The following NGDN variants were observed in gnomAD, a reference collection of about 807,000 sequenced individuals.
NGDN encodes EIF4E-binding protein.
In NGDN, 41 loss-of-function variants were observed where a neutral mutation model predicts 45.2. That is an observed-to-expected ratio of 0.91 (90% CI 0.71 to 1.18). The LOEUF (loss-of-function observed/expected upper bound fraction) is 1.18, where lower values mean the gene tolerates loss of function less well. Ranked by LOEUF, NGDN falls within the 50% of genes most tolerant of loss-of-function variation. NGDN has a pLI of 0.00. For synonymous variants in NGDN, 137 were observed against 130.9 expected (o/e 1.05, Z -0.32); for missense variants, 402 against 399.9 (o/e 1.01, Z -0.05).
intron 8 of NGDN, 31 bp from the exon 9 acceptor site, chr14:23,477,169 G>A (rs182208519): frequency 2.9e-4 from 468 of 1,611,730 alleles, no homozygotes; most frequent in Admixed American, 9.5e-4. Flanking sequence ...TCCATGGTCT[G>A]AGCCTGCTGG....
rs1893763245 is a variant in NGDN at position 23,470,948 on chromosome 14, G to T, written c.115G>T (p.Val39Phe). The T allele has an allele frequency of 6.4e-7, 1 of 1,552,424 alleles. No individual in the cohort carries two copies. The highest frequency in any genetic ancestry group is 8.7e-7 in the Non-Finnish European group (1 of 1,155,196). The change falls in exon 3 of 11, where the codon GTT becomes TTT. Residue 39 changes from valine to phenylalanine, a missense_variant. Physicochemically the swap from Val to Phe is conservative, Grantham distance 50. Transcript: ENST00000408901. Reference protein sequence around the residue: ...TAQVKSLTQKVQAGAYPTEKG... With the variant: ...TAQVKSLTQKFQAGAYPTEKG... ...ACAAGTGAAATCACTGACACAAAAAGTTCAAGCTGGTGCCTATCCTACAGA... is the reference window on the plus strand; with the variant it reads ...ACAAGTGAAATCACTGACACAAAAATTTCAAGCTGGTGCCTATCCTACAGA...
Position 23,476,054 on chromosome 14 carries a change from A to C in NGDN, c.446A>C (p.Asp149Ala). The C allele has an allele frequency of 6.2e-7, 1 of 1,614,190 alleles. No homozygotes were observed. Among genetic ancestry groups the C allele is most frequent in the Non-Finnish European group, 8.5e-7 (1 of 1,180,008 alleles). The change falls in exon 7 of 11, where the codon GAT becomes GCT. Residue 149 changes from aspartate to alanine, a missense_variant. Asp to Ala is a moderately radical substitution (Grantham distance 126, BLOSUM62 -2). Coordinates refer to ENST00000408901, the MANE Select transcript of NGDN (RefSeq NM_001042635.2). ...TTGAGCTCTGAGGATGAGGAGGAAG[A>C]TGAAGCAGAAGATGACCAGTCTGAG... is the stretch of plus-strand genomic sequence containing the variant. ...SKLSSEDEEE[D>A]EAEDDQSEAS...
chr14:23,478,737 C>T (rs1023636723), downstream of NGDN: 3 of 141,742 alleles, frequency 2.1e-5, no homozygotes, highest in Non-Finnish European at 3.1e-5. Context: ...GACCCCCACC[C>T]CCCCGCCTTC....
At position 23,476,284 on chromosome 14, in the gene NGDN, A is replaced by C; in HGVS notation, c.590A>C (p.Lys197Thr). 1 of 1,614,198 alleles carries C rather than the reference A, an allele frequency of 6.2e-7. No individual in the cohort carries two copies. Among genetic ancestry groups the C allele is most frequent in the Non-Finnish European group, 8.5e-7 (1 of 1,180,036 alleles). Residue 197 changes from lysine to threonine, a missense_variant, in exon 8 of 11, where the codon AAG becomes ACG. By Grantham distance (78) the Lys-to-Thr change is moderately conservative (BLOSUM62 -1). Transcript: ENST00000408901. ...EREKKRLERA[K>T]RRALSSSVIR... is the part of the protein sequence containing the mutation. ...GAGAAGAAGCGTCTAGAACGAGCCAAGAGACGGGCATTGAGCAGCTCTGTC... is the reference window on the plus strand; with the variant it reads ...GAGAAGAAGCGTCTAGAACGAGCCACGAGACGGGCATTGAGCAGCTCTGTC...
At position 23,476,259 on chromosome 14, in the gene NGDN, G is replaced by T. The variant is rs1390102966; in HGVS notation, c.565G>T (p.Glu189Ter). 10 of 1,614,012 alleles carry T rather than the reference G, an allele frequency of 6.2e-6. No individual in the cohort carries two copies. The highest frequency in any genetic ancestry group is 7.6e-6 in the Non-Finnish European group (9 of 1,180,020). ...VHYDETEAER[E>*]KKRLERAKRR... ...TGTAGATGAAACAGAAGCTGAGCGGGAGAAGAAGCGTCTAGAACGAGCCAA... is the reference window on the plus strand; with the variant it reads ...TGTAGATGAAACAGAAGCTGAGCGGTAGAAGAAGCGTCTAGAACGAGCCAA... The change falls in exon 8 of 11, where the codon GAG (glutamate) becomes TAG (stop). Residue 189 changes from glutamate to a stop codon, truncating the protein, a stop_gained. Transcript: ENST00000408901. LOFTEE classifies it high-confidence loss of function.
chr14:23,476,528 C>G, intron 8 of NGDN, 121 bp downstream of exon 8: 2 of 967,810 alleles, frequency 2.1e-6, no homozygotes, highest in Non-Finnish European at 2.9e-6. Flanking sequence ...GGAGTGAAAA[C>G]TTTGGGATGA....
downstream of NGDN, chr14:23,478,298 G>T (rs2138728295): frequency 2.6e-6 from 1 of 391,070 alleles, no homozygotes. Flanking sequence ...TGTTTTCTTT[G>T]ATAATATATT....
rs769235811 is a variant in NGDN at position 23,470,026 on chromosome 14, C to G, written c.13-16C>G. 58 of 1,613,414 alleles carry G rather than the reference C, an allele frequency of 3.6e-5. No individual in the cohort carries two copies. Among genetic ancestry groups the G allele is most frequent in the Non-Finnish European group, 4.2e-5 (49 of 1,179,574 alleles). ...GAAAGAATGACTTTTCTTTACGCCT[C>G]CTCTCCCTTCTGTAGGGGGTGCTGG... On this transcript the variant is annotated splice_polypyrimidine_tract_variant and intron_variant, in intron 1 of 10. Coordinates refer to ENST00000408901, the MANE Select transcript of NGDN (RefSeq NM_001042635.2).
chr14:23,477,876 T>C (rs1893940793), intron 10 of NGDN, 131 bp from the exon 11 acceptor site: 2 of 1,567,566 alleles, frequency 1.3e-6, no homozygotes, highest in South Asian at 2.4e-5. Context: ...TCTTTTGTCC[T>C]GGGAAGATAT....
chr14:23,470,977 G>A lies in NGDN; in HGVS notation c.144G>A (p.Lys48=). Residue 48 remains lysine (K), a splice_region_variant and synonymous_variant, in exon 3 of 11, where the codon AAG becomes AAA. Transcript: ENST00000408901. ...AAGCTGGTGCCTATCCTACAGAAAA[G>A]GTAAGATGTACTCAAACAGTAAGCA... ...KVQAGAYPTE[K]GLSFLEVKDQ... 6.5e-7 allele frequency: 1 copy of A among 1,531,632 alleles called. No homozygotes were observed. The allele number at this position is 1,531,632 out of a possible 1,614,324, so 94.9% of individuals were successfully genotyped here.
intron 8 of NGDN, 118 bp downstream of exon 8, chr14:23,476,525 A>G: frequency 1.0e-6 from 1 of 981,618 alleles, no homozygotes; most frequent in Non-Finnish European, 1.4e-6. Flanking sequence ...AATGGAGTGA[A>G]AACTTTGGGA....
chr14:23,470,236 T>G, intron 2 of NGDN, 135 bp downstream of exon 2: 1 of 687,568 alleles, frequency 1.5e-6, no homozygotes, highest in East Asian at 2.8e-5. Flanking sequence ...ATCAAAACCT[T>G]TTCACGCCAG....
intron 2 of NGDN, chr14:23,470,367 T>C (rs1893746010): frequency 2.2e-6 from 1 of 452,590 alleles, no homozygotes; most frequent in African/African-American, 2.0e-5. Context: ...GTAACATGAC[T>C]TGCCCTTTGG....
In NGDN at chr14:23,475,068, G is replaced by A. The variant is rs1437429627; in HGVS notation, c.145-103G>A. 1.5e-5 allele frequency: 18 copies of A among 1,236,742 alleles called. No individual in the cohort carries two copies. The African/African-American group carries it at 2.4e-4, about 17-fold the overall frequency. 76.6% of individuals were successfully genotyped at this position (1,236,742 alleles called of 1,614,324 possible). A position where few individuals can be genotyped will look rare whatever the true frequency, so the allele number is the denominator to read the frequency against. On this transcript the variant is annotated intron_variant, in intron 3 of 10. Transcript: ENST00000408901. ...TCCAGATACCTAATATGAACTGATT[G>A]GGAAAATCTTGAACTTGGAAAAACA...
intron 3 of NGDN, among the ~76,000 whole-genome samples, chr14:23,474,037 CAAAAA>C (rs10713402): frequency 1.1e-5 from 1 of 88,804 alleles, no homozygotes; most frequent in Non-Finnish European, 2.4e-5. Context: ...GACTCCATCT[CAAAAA>C]AAAAAAAAAA....
chr14:23,469,928 C>A, intron 1 of NGDN, 114 bp from the exon 2 acceptor site: 2 of 1,262,654 alleles, frequency 1.6e-6, no homozygotes, highest in Non-Finnish European at 2.3e-6. Flanking sequence ...AGTGTGAAGG[C>A]CCCGAGTCTG....
rs1358029931 is a variant in NGDN at position 23,470,044 on chromosome 14, G to C, written c.15G>C (p.Gly5=). 5.6e-6 allele frequency: 9 copies of C among 1,613,790 alleles called. No individual in the cohort carries two copies. The East Asian group carries it at 1.6e-4, about 28-fold the overall frequency. The change falls in exon 2 of 11, where the codon GGG becomes GGC. Residue 5 remains glycine (G), a splice_region_variant and synonymous_variant. Transcript: ENST00000408901. MAAL[G]VLESDLPSAV... ...TACGCCTCCTCTCCCTTCTGTAGGGGGTGCTGGAGTCCGACCTGCCAAGTG... is the reference window on the plus strand; with the variant it reads ...TACGCCTCCTCTCCCTTCTGTAGGGCGTGCTGGAGTCCGACCTGCCAAGTG...
intron 3 of NGDN, among the ~76,000 whole-genome samples, chr14:23,471,897 A>G (rs1468584867): frequency 2.6e-5 from 4 of 152,188 alleles, no homozygotes; most frequent in Non-Finnish European, 5.9e-5. Context: ...TTAAAATATG[A>G]AAACCATGTG....
downstream of NGDN, chr14:23,478,742 GC>G (rs1233825433): frequency 2.2e-3 from 22 of 9,954 alleles, 1 homozygote; most frequent in South Asian, 0.013. Context: ...CCACCCCCCC[GC>G]CTTCAACTGA....
Sources: allele counts gnomAD v4.1 joint callset (sites outside exome capture counted in the v4.1 genomes callset), GRCh38; gene constraint gnomAD v4.1.1; transcripts MANE v1.5; gene names NCBI Gene and HGNC (gene_info 2026-07-23, HGNC 2026-07-21).